Variants in PPARGC1A observed in about 807,000 individuals in gnomAD.
PPARGC1A encodes PPARG coactivator 1 alpha, also known as peroxisome proliferator-activated receptor gamma coactivator 1-alpha.
PPARGC1A carries 25 observed loss-of-function variants against 88.7 expected under a neutral mutation model. That is an observed-to-expected ratio of 0.28 (90% CI 0.21 to 0.39). The LOEUF (loss-of-function observed/expected upper bound fraction) is 0.39, where lower values mean the gene tolerates loss of function less well. Ranked by LOEUF, PPARGC1A falls within the 10% of genes least tolerant of loss-of-function variation. The pLI is 1.00. For synonymous variants in PPARGC1A, 363 were observed against 355.6 expected (o/e 1.02, Z -0.24); for missense variants, 880 against 968.7 (o/e 0.91, Z 1.22).
chr4:23,909,390 T>C, the PPARGC1A span, among the ~76,000 whole-genome samples: 1 of 152,156 alleles, frequency 6.6e-6, no homozygotes, highest in Non-Finnish European at 1.5e-5. Flanking sequence ...GAGGTTAGCA[T>C]AGTACTGGCG....
rs1721374489 is a variant in PPARGC1A at position 23,813,716 on chromosome 4, C to T, written c.1767G>A (p.Arg589=). 9.3e-6 allele frequency: 15 copies of T among 1,607,884 alleles called. No individual in the cohort carries two copies. The highest frequency in any genetic ancestry group is 1.3e-5 in the Non-Finnish European group (15 of 1,176,352). ...TTGAAGAGGATCTACTGCCTGGAGA[C>T]CTTGATCTTGACCTGGAATATGGTG... ...SRSPYSRSRS[R]SPGSRSSSRS... Residue 589 remains arginine (R), a synonymous_variant, in exon 8 of 13, where the codon AGG becomes AGA. Coordinates refer to ENST00000264867, the MANE Select transcript of PPARGC1A (RefSeq NM_013261.5).
the PPARGC1A span, among the ~76,000 whole-genome samples, chr4:24,371,502 C>T: frequency 6.6e-6 from 1 of 152,256 alleles, no homozygotes; most frequent in South Asian, 2.1e-4. Context: ...AACCCCCAGC[C>T]ACTGTCTTCT....
the PPARGC1A span, among the ~76,000 whole-genome samples, chr4:24,195,459 G>A: frequency 0.1 from 15,396 of 152,178 alleles, 1,186 homozygotes; most frequent in African/African-American, 0.22. Flanking sequence ...TCAATTTTTT[G>A]TGAGCATATT....
chr4:24,174,056 C>G, the PPARGC1A span, among the ~76,000 whole-genome samples: 1 of 152,184 alleles, frequency 6.6e-6, no homozygotes, highest in Non-Finnish European at 1.5e-5. Context: ...CAAAGAAAGG[C>G]AGCTGAGCCA....
At chr4:23,906,978 G>A (rs946033188), upstream of PPARGC1A, among the ~76,000 whole-genome samples, 1 of 152,100 alleles carries the variant, frequency 6.6e-6, no homozygotes, top group Non-Finnish European at 1.5e-5. Flanking sequence ...TGATTCAGGA[G>A]TAATCATAGC....
At chr4:23,990,891 C>A in the PPARGC1A span, among the ~76,000 whole-genome samples, 1 of 152,132 alleles carries the variant, frequency 6.6e-6, no homozygotes, top group East Asian at 1.9e-4. Context: ...CCCTCTGATA[C>A]AGAAATTCAC....
At chr4:23,937,867 A>G in the PPARGC1A span, among the ~76,000 whole-genome samples, 1 of 152,166 alleles carries the variant, frequency 6.6e-6, no homozygotes, top group African/African-American at 2.4e-5. Context: ...CAGTCCATTC[A>G]ATTATACGAC....
the PPARGC1A span, among the ~76,000 whole-genome samples, chr4:24,064,472 G>C: frequency 6.6e-6 from 1 of 152,104 alleles, no homozygotes; most frequent in Non-Finnish European, 1.5e-5. Context: ...AAAGGGTCAC[G>C]GGGAAGAGAA....
chr4:23,918,312 C>T, the PPARGC1A span, among the ~76,000 whole-genome samples: 1 of 151,798 alleles, frequency 6.6e-6, no homozygotes, highest in Non-Finnish European at 1.5e-5. Flanking sequence ...AACCTCAGCC[C>T]CCAGGTTCAA....
At chr4:24,261,706 T>C in the PPARGC1A span, among the ~76,000 whole-genome samples, 1 of 152,012 alleles carries the variant, frequency 6.6e-6, no homozygotes, top group Non-Finnish European at 1.5e-5. Flanking sequence ...CTGGTTATTT[T>C]ATTTCATTCA....
chr4:23,842,541 T>C (rs180736789), intron 2 of PPARGC1A, among the ~76,000 whole-genome samples: 5 of 152,260 alleles, frequency 3.3e-5, no homozygotes, highest in Admixed American at 1.3e-4. Flanking sequence ...TATGAGTTTC[T>C]GGGCTGCAGC....
the PPARGC1A span, among the ~76,000 whole-genome samples, chr4:24,199,447 G>T: frequency 6.6e-6 from 1 of 152,118 alleles, no homozygotes; most frequent in African/African-American, 2.4e-5. Flanking sequence ...CAAGGGGAGG[G>T]AACCACAAAT....
the PPARGC1A span, among the ~76,000 whole-genome samples, chr4:24,471,901 C>T: frequency 3.3e-5 from 5 of 152,152 alleles, no homozygotes; most frequent in Non-Finnish European, 7.4e-5. The surrounding 1 kb of genome is among the most constrained non-coding windows in gnomAD (Gnocchi z 5.4). Context: ...AGAGGCGGCT[C>T]GGGCCCCGAG....
At chr4:23,889,048 AG>A (rs1717387050) in intron 1 of PPARGC1A, 1 of 985,200 alleles carries the variant, frequency 1.0e-6, no homozygotes, top group Admixed American at 6.1e-5. Flanking sequence ...TCCCCCCACT[AG>A]ACTCCAGAGA....
chr4:24,353,718 T>C, the PPARGC1A span, among the ~76,000 whole-genome samples: 1 of 152,214 alleles, frequency 6.6e-6, no homozygotes, highest in Non-Finnish European at 1.5e-5. Context: ...CATTAATTTC[T>C]TCTTGGTTCT....
the PPARGC1A span, among the ~76,000 whole-genome samples, chr4:24,208,682 A>AAATAT: frequency 0.012 from 1,577 of 134,954 alleles, 15 homozygotes; most frequent in Non-Finnish European, 0.02. Flanking sequence ...TCAGAAAAAA[A>AAATAT]ATATATATAT....
At chr4:24,164,795 A>C in the PPARGC1A span, among the ~76,000 whole-genome samples, 93 of 152,292 alleles carry the variant, frequency 6.1e-4, no homozygotes, top group Non-Finnish European at 1.2e-3. Context: ...ATTGAAGGGT[A>C]TATAAACCTT....
chr4:24,361,572 G>GT, the PPARGC1A span, among the ~76,000 whole-genome samples: 73 of 152,156 alleles, frequency 4.8e-4, no homozygotes, highest in Middle Eastern at 6.8e-3. Flanking sequence ...GGATGTGTAC[G>GT]TAACACCCTG....
chr4:24,358,430 C>T, the PPARGC1A span, among the ~76,000 whole-genome samples: 1 of 152,124 alleles, frequency 6.6e-6, no homozygotes, highest in African/African-American at 2.4e-5. Context: ...AGATTCAGAC[C>T]CAGGTGTTCT....
Sources: gnomAD v4.1 joint callset for allele counts (sites outside exome capture counted in the v4.1 genomes callset) on GRCh38, gnomAD v4.1.1 for gene constraint, Gnocchi (gnomAD v3.1) non-coding constraint, MANE v1.5 for transcripts, NCBI Gene and HGNC (gene_info 2026-07-23, HGNC 2026-07-21) for gene names.